Variants in GREB1 observed in about 807,000 individuals in gnomAD.
The protein encoded by GREB1 is protein GREB1.
A neutral mutation model predicts 200.7 loss-of-function variants in GREB1; 106 were observed. That is an observed-to-expected ratio of 0.53 (90% CI 0.45 to 0.62). GREB1 has a LOEUF of 0.62. Among genes scored for constraint, GREB1 ranks in the 20% least tolerant of loss-of-function variants. The probability of loss-of-function intolerance (pLI) is 0.00; values close to 1 mark genes in which losing one functional copy is unlikely to be tolerated. For missense variants in GREB1, 2,243 were observed against 2,556.8 expected (o/e 0.88, Z 2.65); for synonymous variants, 1,132 against 1,092.4 (o/e 1.04, Z -0.72).
In GREB1 at chr2:11,553,031, C is replaced by T. The variant is rs916684868; in HGVS notation, c.-161-3423C>T. Among the ~76,000 whole-genome samples, 6 of 142,618 alleles carry T rather than the reference C, an allele frequency of 4.2e-5. No individual in the cohort carries two copies. In the South Asian group the frequency reaches 8.9e-4, roughly 21 times the overall value. 93.6% of individuals were successfully genotyped at this position (142,618 alleles called of 152,430 possible). ...TCTCAAAAAAAAAAAAAAAAAGAGCCGCAGATTTGAATACTGTTGCAATGC... is the reference window on the plus strand; with the variant it reads ...TCTCAAAAAAAAAAAAAAAAAGAGCTGCAGATTTGAATACTGTTGCAATGC... On this transcript the variant is annotated intron_variant, in intron 1 of 32. Coordinates refer to ENST00000381486, the MANE Select transcript of GREB1 (RefSeq NM_014668.4).
rs73191484 is a variant in GREB1, at chr2:11,555,609, G to A, written c.-161-845G>A. On this transcript the variant is annotated intron_variant, in intron 1 of 32. Transcript: ENST00000381486. ...TGAATCTTGGAGACATTGTGCTAAC[G>A]TTAGATAGAAGCCAGTCACAAAAGA... Among the ~76,000 whole-genome samples the A allele has an allele frequency of 8.9e-3, 1,351 of 152,234 alleles. 24 individuals are homozygous for A. Among genetic ancestry groups the A allele is most frequent in the African/African-American group, 0.031 (1,304 of 41,520 alleles).
intron 1 of GREB1, among the ~76,000 whole-genome samples, chr2:11,536,112 G>A (rs150532619): frequency 1.7e-3 from 262 of 152,326 alleles, no homozygotes; most frequent in African/African-American, 6.0e-3. Context: ...CAAGCCTGGA[G>A]CATACACAGG....
intron 4 of GREB1, among the ~76,000 whole-genome samples, chr2:11,574,165 TTCCTC>T (rs1432438118): frequency 2.5e-4 from 38 of 152,364 alleles, no homozygotes; most frequent in African/African-American, 9.1e-4. Flanking sequence ...GTTACCCTGT[TTCCTC>T]TCTTCTTTCT....
In GREB1 at chr2:11,640,212, C is replaced by T; in HGVS notation, c.5687-79C>T. The T allele has an allele frequency of 2.1e-6, 3 of 1,407,216 alleles. No homozygotes were observed. The highest frequency in any genetic ancestry group is 2.9e-6 in the Non-Finnish European group (3 of 1,033,908). The allele number at this position is 1,407,216 out of a possible 1,614,324, so 87.2% of individuals were successfully genotyped here. On this transcript the variant is annotated intron_variant, in intron 32 of 32. Transcript: ENST00000381486. The surrounding 1 kb of genome is among the most constrained non-coding windows in gnomAD (Gnocchi z 4.6). ...CCAACAGCGCCCTGTCTTGTCATTG[C>T]AAGTAGAATCCGGGCAGCCGCTTTC...
intron 1 of GREB1, among the ~76,000 whole-genome samples, chr2:11,486,287 A>G (rs1054571232): frequency 6.6e-6 from 1 of 152,112 alleles, no homozygotes; most frequent in Admixed American, 6.6e-5. Context: ...CTGGACATAC[A>G]CATATATTGT....
intron 7 of GREB1, among the ~76,000 whole-genome samples, chr2:11,583,898 G>GT (rs1269868467): frequency 9.2e-5 from 14 of 152,038 alleles, no homozygotes; most frequent in Non-Finnish European, 2.1e-4. Flanking sequence ...AAAGGATGGT[G>GT]TTTTTTTACT....
In GREB1 at chr2:11,538,641, CTTTCTTTCTTTCTTTCTTTCTTTCTTTCT is replaced by C. The variant is rs1674424266; in HGVS notation, c.-162+4390_-162+4418del. ...TCTTTCTTTCTTTCTTTCTTTCTTT[CTTTCTTTCTTTCTTTCTTTCTTTCTTTCT>C]TTCTTTCTTTCTTTCTTTCCTTCCT... On this transcript the variant is annotated intron_variant, in intron 1 of 32. Transcript: ENST00000381486. Among the ~76,000 whole-genome samples, 3 of 28,232 alleles carry C rather than the reference CTTTCTTTCTTTCTTTCTTTCTTTCTTTCT, an allele frequency of 1.1e-4. 1 individual carries two copies. The highest frequency in any genetic ancestry group is 1.9e-4 in the African/African-American group (3 of 15,494). 18.5% of individuals were successfully genotyped at this position (28,232 alleles called of 152,430 possible).
chr2:11,510,941 G>A (rs553838809), intron 1 of GREB1, among the ~76,000 whole-genome samples: 1 of 152,258 alleles, frequency 6.6e-6, no homozygotes, highest in Admixed American at 6.5e-5. Flanking sequence ...CCAGAGTGCT[G>A]GGATTACAGG....
chr2:11,487,923 A>C lies in GREB1; in HGVS notation c.-159+5542A>C, dbSNP rs183053636. Among the ~76,000 whole-genome samples, 355 of 152,284 alleles carry C rather than the reference A, an allele frequency of 2.3e-3. 6 individuals carry two copies. Among genetic ancestry groups the C allele is most frequent in the Non-Finnish European group, 7.2e-4 (49 of 68,020 alleles). ...CTGCCTGGGAGGTTGTGGCACAGGA[A>C]AACTGGTGACCTGGGAGTTGGGGAC... On this transcript the variant is annotated intron_variant, in intron 1 of 2. Coordinates refer to the GREB1 transcript ENST00000628795.
rs750801052 is a variant in GREB1 at position 11,625,248 on chromosome 2, T to C, written c.4242T>C (p.Ile1414=). ...LFKKLPFDYI[I]HDPKYEDASL... The stretch of plus-strand genomic sequence containing the variant: ...AGAAGTTGCCCTTTGACTACATCAT[T>C]CACGACCCGAAGTATGAAGATGCCA... The change falls in exon 24 of 33, where the codon ATT becomes ATC. Residue 1414 remains isoleucine, a synonymous_variant. Coordinates refer to ENST00000381486, the MANE Select transcript of GREB1 (RefSeq NM_014668.4). 1 of 1,614,126 alleles carries C rather than the reference T, an allele frequency of 6.2e-7. No homozygotes were observed. Among genetic ancestry groups the C allele is most frequent in the Non-Finnish European group, 8.5e-7 (1 of 1,179,982 alleles).
intron 2 of GREB1, among the ~76,000 whole-genome samples, chr2:11,557,245 A>G (rs55927874): frequency 0.038 from 5,736 of 152,320 alleles, 227 homozygotes; most frequent in African/African-American, 0.091. Flanking sequence ...AAACAACTAA[A>G]TTCTCTTCGG....
intron 26 of GREB1, among the ~76,000 whole-genome samples, chr2:11,631,073 G>A (rs1336459688): frequency 6.6e-6 from 1 of 152,134 alleles, no homozygotes; most frequent in Non-Finnish European, 1.5e-5. Flanking sequence ...GAAATTCCAG[G>A]GGTGAAATAT....
At chr2:11,567,878 T>TC (rs1677838642) in intron 4 of GREB1, among the ~76,000 whole-genome samples, 1 of 152,168 alleles carries the variant, frequency 6.6e-6, no homozygotes, top group African/African-American at 2.4e-5. Context: ...TCCCTGTGTA[T>TC]CCCCCTGGGC....
At chr2:11,517,378 T>G (rs370072726) in intron 1 of GREB1, 30 of 152,698 alleles carry the variant, frequency 2.0e-4, no homozygotes, top group African/African-American at 7.2e-4. Context: ...CAGGTGCTTT[T>G]CCTTACAAAG....
At chr2:11,569,558 A>G (rs73915432) in intron 4 of GREB1, among the ~76,000 whole-genome samples, 4,587 of 152,356 alleles carry the variant, frequency 0.03, 199 homozygotes, top group African/African-American at 0.094. Flanking sequence ...GGAGAATAAC[A>G]GCAACAGAAA....
At chr2:11,508,625 G>A (rs1413980743) in intron 1 of GREB1, among the ~76,000 whole-genome samples, 1 of 152,140 alleles carries the variant, frequency 6.6e-6, no homozygotes, top group Non-Finnish European at 1.5e-5. Context: ...CCAGGACAGT[G>A]TAGTCTACAC....
chr2:11,555,288 A>G (rs954255796), intron 1 of GREB1, among the ~76,000 whole-genome samples: 5 of 152,232 alleles, frequency 3.3e-5, no homozygotes, highest in African/African-American at 1.2e-4. Context: ...GGAAGGACTG[A>G]AAATAGAAAT....
chr2:11,548,565 T>C lies in GREB1; in HGVS notation c.-161-7889T>C, dbSNP rs1675516476. ...ATACATCCCCATATTCTGATAGAAC[T>C]TGTAAACTCCTTTCAATATTATTGA... On this transcript the variant is annotated intron_variant, in intron 1 of 32. Transcript: ENST00000381486. The surrounding 1 kb of genome is among the most constrained non-coding windows in gnomAD (Gnocchi z 5.1). Among the ~76,000 whole-genome samples, 1 of 152,232 alleles carries C rather than the reference T, an allele frequency of 6.6e-6. No homozygotes were observed. Among genetic ancestry groups the C allele is most frequent in the Non-Finnish European group, 1.5e-5 (1 of 68,042 alleles).
chr2:11,615,313 C>A, intron 20 of GREB1, 23 bp downstream of exon 20: 1 of 1,540,676 alleles, frequency 6.5e-7, no homozygotes, highest in Non-Finnish European at 8.8e-7. Context: ...TGCCCTCAGC[C>A]TACTTGTCCC....
Sources: gnomAD v4.1 joint callset for allele counts (sites outside exome capture counted in the v4.1 genomes callset) on GRCh38, gnomAD v4.1.1 for gene constraint, Gnocchi (gnomAD v3.1) non-coding constraint, MANE v1.5 for transcripts, NCBI Gene and HGNC (gene_info 2026-07-23, HGNC 2026-07-21) for gene names.